The following FAR2 variants were observed in gnomAD, a reference collection of about 807,000 sequenced individuals.
The protein encoded by FAR2 is epididymis secretory protein Li 81.
A neutral mutation model predicts 56.0 loss-of-function variants in FAR2; 19 were observed. That is an observed-to-expected ratio of 0.34 (90% CI 0.24 to 0.50). The LOEUF (loss-of-function observed/expected upper bound fraction) is 0.50, where lower values mean the gene tolerates loss of function less well. Ranked by LOEUF, FAR2 falls within the 20% of genes least tolerant of loss-of-function variation. The probability of loss-of-function intolerance (pLI) is 0.98; values close to 1 mark genes in which losing one functional copy is unlikely to be tolerated. For missense variants in FAR2, 508 were observed against 642.2 expected (o/e 0.79, Z 2.26); for synonymous variants, 219 against 218.8 (o/e 1.00, Z -0.01).
intron 2 of FAR2, among the ~76,000 whole-genome samples, chr12:29,289,998 C>T (rs1948940110): frequency 6.6e-6 from 1 of 152,150 alleles, no homozygotes; most frequent in African/African-American, 2.4e-5. Flanking sequence ...GATATTATTT[C>T]ACCCCAGTTA....
chr12:29,315,092 A>G (rs1949423565), intron 8 of FAR2, among the ~76,000 whole-genome samples: 2 of 152,178 alleles, frequency 1.3e-5, no homozygotes, highest in Non-Finnish European at 2.9e-5. Flanking sequence ...AAAAAAATAA[A>G]ACAGACTAAA....
At chr12:29,322,856 G>C (rs1226853305) in intron 10 of FAR2, among the ~76,000 whole-genome samples, 4 of 152,190 alleles carry the variant, frequency 2.6e-5, no homozygotes, top group Non-Finnish European at 5.9e-5. Context: ...GACTAGGAAA[G>C]GGAATTCCCT....
chr12:29,233,363 T>C (rs1862996), intron 1 of FAR2, among the ~76,000 whole-genome samples: 97,515 of 151,920 alleles, frequency 0.64, 31,450 homozygotes, highest in Middle Eastern at 0.7. Flanking sequence ...TGGTCATCTT[T>C]TCACAGTCCT....
At chr12:29,276,106 T>C (rs1948701958) in intron 2 of FAR2, among the ~76,000 whole-genome samples, 1 of 152,196 alleles carries the variant, frequency 6.6e-6, no homozygotes, top group Admixed American at 6.5e-5. Flanking sequence ...GTGGACTAGA[T>C]ATATACTTTG....
chr12:29,295,622 TTTTA>T (rs888076365), intron 3 of FAR2, among the ~76,000 whole-genome samples: 44 of 152,224 alleles, frequency 2.9e-4, no homozygotes, highest in African/African-American at 9.6e-4. Context: ...TTATTCAATT[TTTTA>T]TTTGTTTTTT....
chr12:29,235,177 G>A (rs2113534), intron 1 of FAR2, among the ~76,000 whole-genome samples: 97,372 of 152,032 alleles, frequency 0.64, 31,320 homozygotes, highest in Middle Eastern at 0.71. Context: ...CTTAATAAAT[G>A]CTTGTTGAAT....
intron 5 of FAR2, among the ~76,000 whole-genome samples, chr12:29,308,300 T>C (rs1423972661): frequency 6.6e-6 from 1 of 152,182 alleles, no homozygotes; most frequent in Non-Finnish European, 1.5e-5. Context: ...CTTTGAATTA[T>C]ACCATCTTCT....
chr12:29,174,829 G>A (rs1949921430), intron 1 of FAR2, among the ~76,000 whole-genome samples: 2 of 152,200 alleles, frequency 1.3e-5, no homozygotes, highest in South Asian at 2.1e-4. Flanking sequence ...TAGGATAGAA[G>A]GGCAAGTCTC....
chr12:29,329,524 C>G (rs1949700139), intron 10 of FAR2, among the ~76,000 whole-genome samples: 2 of 151,818 alleles, frequency 1.3e-5, no homozygotes, highest in African/African-American at 2.4e-5. Context: ...CATATGGAAT[C>G]AGGATTCTGA....
chr12:29,259,796 ACTCT>A (rs978456230), intron 1 of FAR2, among the ~76,000 whole-genome samples: 6 of 151,730 alleles, frequency 4.0e-5, no homozygotes, highest in African/African-American at 1.5e-4. Flanking sequence ...ACGCAGACTC[ACTCT>A]CTTTTTTCTT....
intron 1 of FAR2, among the ~76,000 whole-genome samples, chr12:29,236,719 G>T (rs940835395): frequency 6.6e-6 from 1 of 152,072 alleles, no homozygotes; most frequent in African/African-American, 2.4e-5. Flanking sequence ...GACACCTGGG[G>T]ATTACAATTC....
intron 1 of FAR2, among the ~76,000 whole-genome samples, chr12:29,196,635 A>AAAGG (rs1950146692): frequency 1.3e-5 from 2 of 152,204 alleles, no homozygotes; most frequent in Admixed American, 1.3e-4. Flanking sequence ...AAAGACCTAC[A>AAAGG]TGTAAGACAT....
At chr12:29,312,294 C>T (rs1949366500) in intron 8 of FAR2, among the ~76,000 whole-genome samples, 1 of 152,150 alleles carries the variant, frequency 6.6e-6, no homozygotes, top group Non-Finnish European at 1.5e-5. Context: ...GGCTCCTACA[C>T]ACACCCCTTC....
At chr12:29,284,599 C>T (rs1461379619) in intron 2 of FAR2, among the ~76,000 whole-genome samples, 2 of 152,142 alleles carry the variant, frequency 1.3e-5, no homozygotes, top group Non-Finnish European at 2.9e-5. Flanking sequence ...GTTCACAGAA[C>T]ATGATTAGAT....
intron 1 of FAR2, among the ~76,000 whole-genome samples, chr12:29,262,776 G>A (rs1948443625): frequency 6.6e-6 from 1 of 152,062 alleles, no homozygotes. Context: ...TAACAAAATG[G>A]CAGAGGGAAG....
chr12:29,273,610 G>T (rs1176790579), intron 2 of FAR2, among the ~76,000 whole-genome samples: 1 of 152,184 alleles, frequency 6.6e-6, no homozygotes, highest in African/African-American at 2.4e-5. Context: ...TCCCAGTGCT[G>T]GCTGCTGCCC....
At chr12:29,287,109 G>T (rs1948889887) in intron 2 of FAR2, among the ~76,000 whole-genome samples, 1 of 152,170 alleles carries the variant, frequency 6.6e-6, no homozygotes. Flanking sequence ...CAACTTCAGG[G>T]TATATCAGAA....
chr12:29,265,885 A>G (rs1166427709), intron 1 of FAR2, among the ~76,000 whole-genome samples: 1 of 152,212 alleles, frequency 6.6e-6, no homozygotes, highest in African/African-American at 2.4e-5. Context: ...AAAAGAAGAC[A>G]TACAAATGGA....
intron 1 of FAR2, among the ~76,000 whole-genome samples, chr12:29,236,279 A>G (rs958020956): frequency 2.0e-5 from 3 of 152,334 alleles, no homozygotes; most frequent in Admixed American, 2.0e-4. Flanking sequence ...TTTTGTTACT[A>G]AACTTTAATA....
Sources: gnomAD v4.1 joint callset for allele counts (sites outside exome capture counted in the v4.1 genomes callset) on GRCh38, gnomAD v4.1.1 for gene constraint, MANE v1.5 for transcripts, NCBI Gene and HGNC (gene_info 2026-07-23, HGNC 2026-07-21) for gene names.